BATF: variants seen among roughly 807,000 people sequenced by gnomAD.
The protein encoded by BATF is basic leucine zipper transcriptional factor ATF-like.
BATF carries 5 observed loss-of-function variants against 13.7 expected under a neutral mutation model. That is an observed-to-expected ratio of 0.36 (90% CI 0.19 to 0.77). The LOEUF is 0.77. Ranked by LOEUF, BATF falls within the 30% of genes least tolerant of loss-of-function variation. The pLI, the probability that BATF is intolerant of heterozygous loss-of-function variation, is 0.51. For missense variants in BATF, 124 were observed against 163.0 expected, an observed-to-expected ratio of 0.76 and a Z score of 1.30; for synonymous variants, 72 against 67.5, an observed-to-expected ratio of 1.07 and a Z score of -0.33.
Position 75,525,169 on chromosome 14 carries a change from A to G in BATF, c.149A>G (p.Lys50Arg), listed in dbSNP as rs1887632006. The G allele has an allele frequency of 6.2e-7, 1 of 1,613,978 alleles. No homozygotes were observed. The highest frequency in any genetic ancestry group is 8.5e-7 in the Non-Finnish European group (1 of 1,179,952). The change falls in exon 2 of 3, where the codon AAG becomes AGG. Residue 50 changes from lysine to arginine, a missense_variant. Transcript: ENST00000286639. ...AQKSRQRQTQ[K>R]ADTLHLESED... ...AAGAGCCGACAGAGGCAGACACAGA[A>G]GGCCGACACCCTGCACCTGGTAAGT...
chr14:75,524,673 A>C (rs1406301969), intron 1 of BATF, among the ~76,000 whole-genome samples: 8 of 152,196 alleles, frequency 5.3e-5, no homozygotes, highest in African/African-American at 1.9e-4. Context: ...GGCACTCAAC[A>C]AAGTCTGAAA....
Position 75,522,669 on chromosome 14 carries a change from G to C in BATF, c.-14G>C. 1 of 1,614,090 alleles carries C rather than the reference G, an allele frequency of 6.2e-7. No homozygotes were observed. The highest frequency in any genetic ancestry group is 8.5e-7 in the Non-Finnish European group (1 of 1,179,994). ...TGCCTGGGGCTGAGTGTGAGAGCCC[G>C]GAAGATTTCAGCCATGCCTCACAGC... On this transcript the variant is annotated 5_prime_UTR_variant, in exon 1 of 3. Transcript: ENST00000286639.
At chr14:75,541,076 G>A (rs1419088795) in intron 2 of BATF, among the ~76,000 whole-genome samples, 1 of 152,192 alleles carries the variant, frequency 6.6e-6, no homozygotes, top group Non-Finnish European at 1.5e-5. Context: ...GCAACAGAGA[G>A]AGACTCTGTC....
At chr14:75,546,421 T>A (rs1377672964) in intron 2 of BATF, 41 bp from the exon 3 acceptor site, 2 of 1,607,710 alleles carry the variant, frequency 1.2e-6, no homozygotes, top group Non-Finnish European at 1.7e-6. Flanking sequence ...CTTGCCTCCT[T>A]CCTAGACACT....
chr14:75,542,478 T>C (rs999176723), intron 2 of BATF, among the ~76,000 whole-genome samples: 33 of 152,368 alleles, frequency 2.2e-4, no homozygotes, highest in African/African-American at 7.9e-4. Flanking sequence ...GATGTCACTG[T>C]TGTACCTCTG....
chr14:75,536,181 G>T (rs951483697), intron 2 of BATF, among the ~76,000 whole-genome samples: 4 of 152,206 alleles, frequency 2.6e-5, no homozygotes, highest in Non-Finnish European at 4.4e-5. Context: ...CAAAGAAGAT[G>T]AAATCATGCA....
intron 2 of BATF, among the ~76,000 whole-genome samples, chr14:75,532,297 T>C (rs1887746172): frequency 6.6e-6 from 1 of 151,254 alleles, no homozygotes; most frequent in South Asian, 2.1e-4. Flanking sequence ...TTTTTTGTCT[T>C]TTAAGCAATA....
chr14:75,533,763 C>T (rs939759181), intron 2 of BATF, among the ~76,000 whole-genome samples: 5 of 152,150 alleles, frequency 3.3e-5, no homozygotes, highest in Non-Finnish European at 5.9e-5. Flanking sequence ...GAATAACAAT[C>T]ATAATAGTCA....
intron 2 of BATF, among the ~76,000 whole-genome samples, chr14:75,527,087 G>T (rs997767906): frequency 2.0e-5 from 3 of 152,088 alleles, no homozygotes; most frequent in Non-Finnish European, 4.4e-5. Flanking sequence ...CCTCCCTTGG[G>T]CTTGGTTTCC....
intron 2 of BATF, among the ~76,000 whole-genome samples, chr14:75,525,926 C>G (rs771394032): frequency 6.6e-6 from 1 of 152,178 alleles, no homozygotes; most frequent in Non-Finnish European, 1.5e-5. Context: ...TACCAGATTC[C>G]TCTTTTCAGA....
chr14:75,526,506 T>A (rs900826040), intron 2 of BATF, among the ~76,000 whole-genome samples: 4 of 152,158 alleles, frequency 2.6e-5, no homozygotes, highest in Non-Finnish European at 4.4e-5. Context: ...GTAAGTAAGA[T>A]GTAGTTTTAG....
intron 2 of BATF, among the ~76,000 whole-genome samples, chr14:75,545,309 C>T (rs533530231): frequency 1.3e-5 from 2 of 151,946 alleles, no homozygotes; most frequent in South Asian, 2.1e-4. Flanking sequence ...GCAGCCTCTG[C>T]CTCCTGGGTT....
chr14:75,528,833 C>T (rs991942183), intron 2 of BATF, among the ~76,000 whole-genome samples: 7 of 152,032 alleles, frequency 4.6e-5, no homozygotes, highest in Non-Finnish European at 1.0e-4. Context: ...AATGTAATAA[C>T]GTTCCTATAT....
In BATF at chr14:75,522,495, A is replaced by G; in HGVS notation, c.-188A>G. 1 of 594,938 alleles carries G rather than the reference A, an allele frequency of 1.7e-6. No individual in the cohort carries two copies. The highest frequency in any genetic ancestry group is 3.0e-6 in the Non-Finnish European group (1 of 334,070). 36.9% of individuals were successfully genotyped at this position (594,938 alleles called of 1,614,324 possible). ...AAGCGAGCGACATGTCCCTTTGGGG[A>G]GCAGTCCCTCTGCACCCCAGAGTGA... On this transcript the variant is annotated 5_prime_UTR_variant, in exon 1 of 3. Coordinates refer to ENST00000286639, the MANE Select transcript of BATF (RefSeq NM_006399.5).
rs151232841 is a variant in BATF, at chr14:75,540,776, G to A, written c.169-5686G>A. On this transcript the variant is annotated intron_variant, in intron 2 of 2. Transcript: ENST00000286639. ...ATACTTAAAAGAGTGATTGGCACAC[G>A]GAAGTATTCAATAAATGTTAGTTAT... Among the ~76,000 whole-genome samples the A allele has an allele frequency of 7.1e-3, 1,075 of 152,262 alleles. 7 individuals are homozygous for A. Among genetic ancestry groups the A allele is most frequent in the African/African-American group, 0.015 (640 of 41,532 alleles).
At chr14:75,529,982 T>A (rs1489049736) in intron 2 of BATF, among the ~76,000 whole-genome samples, 1 of 147,754 alleles carries the variant, frequency 6.8e-6, no homozygotes, top group Non-Finnish European at 1.5e-5. Flanking sequence ...GAGAATGGCG[T>A]GAACCCGGGA....
chr14:75,533,197 G>A (rs376639563), intron 2 of BATF, among the ~76,000 whole-genome samples: 4 of 152,162 alleles, frequency 2.6e-5, no homozygotes, highest in African/African-American at 9.6e-5. Context: ...GGGAGGCCAA[G>A]GTGGGCAGAT....
chr14:75,538,216 C>T (rs1023846026), intron 2 of BATF, among the ~76,000 whole-genome samples: 12 of 152,152 alleles, frequency 7.9e-5, no homozygotes, highest in Non-Finnish European at 1.3e-4. Flanking sequence ...GCCAAAGAAG[C>T]CTCCCAAAGT....
At chr14:75,534,939 A>G (rs1179683050) in intron 2 of BATF, among the ~76,000 whole-genome samples, 1 of 152,240 alleles carries the variant, frequency 6.6e-6, no homozygotes, top group Admixed American at 6.5e-5. Context: ...TGACAATTTG[A>G]TAGCAACCAA....
Sources: allele counts gnomAD v4.1 joint callset (sites outside exome capture counted in the v4.1 genomes callset), GRCh38; gene constraint gnomAD v4.1.1; transcripts MANE v1.5; gene names NCBI Gene and HGNC (gene_info 2026-07-23, HGNC 2026-07-21).